Variants in BSN observed in about 807,000 individuals in gnomAD.
BSN encodes the protein protein bassoon.
Under a neutral mutation model 264.8 loss-of-function variants are expected in BSN, and 57 were observed. The ratio of observed to expected loss-of-function variants is 0.22; its 90% confidence interval spans 0.17 to 0.27. BSN has a LOEUF of 0.27. Ranked by LOEUF, BSN falls within the 10% of genes least tolerant of loss-of-function variation. The pLI is 1.00. For synonymous variants in BSN, 2,059 were observed against 2,137.3 expected (o/e 0.96, Z 1.01); for missense variants, 4,615 against 5,232.5 (o/e 0.88, Z 3.64).
intron 2 of BSN, among the ~76,000 whole-genome samples, chr3:49,637,886 G>T (rs570511482): frequency 4.3e-4 from 65 of 152,184 alleles, no homozygotes; most frequent in Non-Finnish European, 7.9e-4. Flanking sequence ...GGCTTCCATG[G>T]AGGTCCCTAC....
chr3:49,634,611 C>T (rs935087974), intron 2 of BSN, among the ~76,000 whole-genome samples: 10 of 152,006 alleles, frequency 6.6e-5, no homozygotes, highest in Non-Finnish European at 2.9e-5. Context: ...AGTCTGGTCT[C>T]GAAATCCTGA....
Position 49,642,769 on chromosome 3 carries a change from C to T in BSN, c.1135C>T (p.Pro379Ser), listed in dbSNP as rs748773516. Residue 379 changes from proline to serine, a missense_variant, in exon 3 of 12, where the codon CCC becomes TCC. By Grantham distance (74) the Pro-to-Ser change is moderately conservative. Around this residue, in one of 3 missense-constraint regions of BSN, gnomAD observed 1,197 missense variants for 1,348.0 expected, o/e 0.89. Transcript: ENST00000296452. The surrounding 1 kb of genome is among the most constrained non-coding windows in gnomAD (Gnocchi z 7.0). ...PEADTQGQPA[P>S]SKGTPKIVFN... ...GGCTGACACCCAGGGCCAGCCTGCC[C>T]CCAGCAAGGGGACACCTAAGATCGT... 12 of 1,613,404 alleles carry T rather than the reference C, an allele frequency of 7.4e-6. No individual in the cohort carries two copies. Among genetic ancestry groups the T allele is most frequent in the Non-Finnish European group, 1.0e-5 (12 of 1,179,926 alleles).
chr3:49,616,043 TA>T (rs1305972262), intron 1 of BSN, among the ~76,000 whole-genome samples: 1 of 152,216 alleles, frequency 6.6e-6, no homozygotes, highest in African/African-American at 2.4e-5. Flanking sequence ...GTGGGTTTTA[TA>T]AAAAATATGC....
intron 1 of BSN, among the ~76,000 whole-genome samples, chr3:49,597,386 C>T (rs1016291023): frequency 2.6e-5 from 4 of 152,140 alleles, no homozygotes; most frequent in Non-Finnish European, 5.9e-5. Flanking sequence ...GACATGTTCA[C>T]ATCTTACTAC....
intron 2 of BSN, among the ~76,000 whole-genome samples, chr3:49,641,969 A>C (rs1180074334): frequency 1.6e-5 from 2 of 125,364 alleles, no homozygotes; most frequent in African/African-American, 6.1e-5. Flanking sequence ...AGGCACTGCC[A>C]GGGGGTGGCG....
intron 1 of BSN, among the ~76,000 whole-genome samples, chr3:49,624,671 G>C (rs1575440826): frequency 6.6e-6 from 1 of 152,162 alleles, no homozygotes; most frequent in East Asian, 1.9e-4. Flanking sequence ...GAGAGTATTG[G>C]CATCACCTTA....
chr3:49,654,038 C>T lies in BSN; in HGVS notation c.4482C>T (p.Gly1494=). ...CAGAGAGTCCCACATTCTCCCCTGG[C>T]AAGATGGGCCCAAGGGCCACAGCAG... is the stretch of plus-strand genomic sequence containing the variant. The part of the protein sequence containing the change: ...SPSESPTFSP[G]KMGPRATAEF... The change falls in exon 5 of 12, where the codon GGC becomes GGT. Residue 1494 remains glycine, a synonymous_variant. Coordinates refer to ENST00000296452, the MANE Select transcript of BSN (RefSeq NM_003458.4). This position sits in a 1 kb window ranked among gnomAD's most constrained non-coding sequence, Gnocchi z 4.1. 6.2e-7 allele frequency: 1 copy of T among 1,613,802 alleles called. No individual in the cohort carries two copies. Among genetic ancestry groups the T allele is most frequent in the Non-Finnish European group, 8.5e-7 (1 of 1,179,928 alleles).
intron 3 of BSN, among the ~76,000 whole-genome samples, chr3:49,643,450 A>G (rs1275732918): frequency 6.6e-6 from 1 of 152,234 alleles, no homozygotes; most frequent in East Asian, 1.9e-4. Context: ...TACCATGGGC[A>G]TGGCCCTGAT....
intron 2 of BSN, among the ~76,000 whole-genome samples, chr3:49,626,178 G>A (rs946567828): frequency 3.3e-5 from 5 of 152,160 alleles, no homozygotes; most frequent in African/African-American, 4.8e-5. Context: ...TGGGGCCATC[G>A]CTTTAAAATG....
intron 3 of BSN, among the ~76,000 whole-genome samples, chr3:49,647,575 G>A (rs1359947243): frequency 1.3e-5 from 2 of 152,192 alleles, no homozygotes; most frequent in African/African-American, 4.8e-5. Context: ...GAGTACGAGA[G>A]GGCTGTGCAA....
At chr3:49,571,530 A>G (rs1233996868) in intron 1 of BSN, among the ~76,000 whole-genome samples, 1 of 152,192 alleles carries the variant, frequency 6.6e-6, no homozygotes, top group Non-Finnish European at 1.5e-5. Flanking sequence ...AGAAGAGCCC[A>G]GGACTCATAG....
chr3:49,633,212 G>A (rs2052394499), intron 2 of BSN, among the ~76,000 whole-genome samples: 1 of 151,126 alleles, frequency 6.6e-6, no homozygotes, highest in African/African-American at 2.4e-5. Context: ...TGAGGCAGGA[G>A]AATCGCTTGA....
intron 1 of BSN, among the ~76,000 whole-genome samples, chr3:49,605,992 A>G (rs1314034926): frequency 1.1e-5 from 1 of 92,978 alleles, no homozygotes; most frequent in Non-Finnish European, 1.8e-5. Flanking sequence ...TAAATAAAAA[A>G]TATATATTTA....
chr3:49,568,563 C>CT (rs1160140879), intron 1 of BSN, among the ~76,000 whole-genome samples: 1 of 152,186 alleles, frequency 6.6e-6, no homozygotes, highest in Admixed American at 6.5e-5. Flanking sequence ...GTAGCAGACT[C>CT]TAAGTACTCT....
chr3:49,658,656 C>G (rs1037339421), intron 5 of BSN, among the ~76,000 whole-genome samples: 6 of 152,196 alleles, frequency 3.9e-5, no homozygotes, highest in African/African-American at 1.4e-4. Context: ...CATTGCCACA[C>G]AGGAAGCCCA....
At chr3:49,602,114 C>G (rs547474071) in intron 1 of BSN, among the ~76,000 whole-genome samples, 1 of 152,348 alleles carries the variant, frequency 6.6e-6, no homozygotes, top group South Asian at 2.1e-4. Context: ...GAGCCAAGGG[C>G]TCCTCATCCA....
chr3:49,662,345 G>A lies in BSN; in HGVS notation c.10500G>A (p.Gln3500=). 1 of 1,613,532 alleles carries A rather than the reference G, an allele frequency of 6.2e-7. No homozygotes were observed. Among genetic ancestry groups the A allele is most frequent in the Non-Finnish European group, 8.5e-7 (1 of 1,179,744 alleles). The part of the protein sequence containing the change: ...HSRVRPPMRS[Q]ASEEESPVSP... The stretch of plus-strand genomic sequence containing the variant: ...GGGTACGACCCCCCATGCGGAGCCA[G>A]GCCTCTGAAGAGGAGAGCCCCGTCA... The change falls in exon 6 of 12, where the codon CAG becomes CAA. Residue 3500 remains glutamine (Q), a synonymous_variant. Transcript: ENST00000296452.
At chr3:49,565,297 C>T (rs1163883094) in intron 1 of BSN, among the ~76,000 whole-genome samples, 4 of 147,454 alleles carry the variant, frequency 2.7e-5, no homozygotes, top group African/African-American at 7.5e-5. Context: ...AGGCACCCAC[C>T]CACCACGCCC....
At chr3:49,597,483 C>A (rs896006262) in intron 1 of BSN, among the ~76,000 whole-genome samples, 1 of 152,110 alleles carries the variant, frequency 6.6e-6, no homozygotes, top group African/African-American at 2.4e-5. Flanking sequence ...GTGTGCCCCA[C>A]CACACCCAGC....
Sources: gnomAD v4.1 joint callset for allele counts (sites outside exome capture counted in the v4.1 genomes callset) on GRCh38, gnomAD v4.1.1 for gene constraint, gnomAD v4.1.1 regional missense constraint, Gnocchi (gnomAD v3.1) non-coding constraint, MANE v1.5 for transcripts, NCBI Gene and HGNC (gene_info 2026-07-23, HGNC 2026-07-21) for gene names.